The following RALGPS2 variants were observed in gnomAD, a reference collection of about 807,000 sequenced individuals.
RALGPS2 encodes Ral GEF with PH domain and SH3 binding motif 2.
Under a neutral mutation model 86.8 loss-of-function variants are expected in RALGPS2, and 43 were observed. The observed-to-expected ratio is 0.50, with a 90% CI of 0.39 to 0.64. RALGPS2 has a LOEUF of 0.64. RALGPS2 is among the 30% of genes least tolerant of loss of function. The pLI is 0.00. For missense variants in RALGPS2, 536 were observed against 694.6 expected (o/e 0.77, Z 2.57); for synonymous variants, 243 against 231.3 (o/e 1.05, Z -0.46).
intron 14 of RALGPS2, 87 bp downstream of exon 14, chr1:178,889,783 C>A: frequency 1.1e-6 from 1 of 905,124 alleles, no homozygotes. Context: ...ATAATATTTA[C>A]TACATATCCC....
At chr1:178,815,444 C>T (rs892455042) in intron 6 of RALGPS2, among the ~76,000 whole-genome samples, 1 of 152,098 alleles carries the variant, frequency 6.6e-6, no homozygotes, top group African/African-American at 2.4e-5. Context: ...TTCTCATAAG[C>T]TTTGCATGTA....
intron 8 of RALGPS2, chr1:178,865,400 A>G (rs371498898): frequency 1.9e-6 from 3 of 1,613,916 alleles, no homozygotes; most frequent in Non-Finnish European, 2.5e-6. Flanking sequence ...ACGAGAGTTC[A>G]TGTTACGGCT....
intron 8 of RALGPS2, among the ~76,000 whole-genome samples, chr1:178,836,881 C>T (rs915433443): frequency 6.6e-5 from 10 of 152,208 alleles, no homozygotes; most frequent in Non-Finnish European, 1.2e-4. Context: ...TGGACTCAAG[C>T]GATCCTCCCA....
intron 1 of RALGPS2, among the ~76,000 whole-genome samples, chr1:178,731,271 G>GTTTTTTTT (rs1491268143): frequency 5.8e-5 from 4 of 69,380 alleles, no homozygotes; most frequent in African/African-American, 1.6e-4. Context: ...TAGTTGTTTT[G>GTTTTTTTT]GTTTTTTTTT....
chr1:178,872,917 A>G (rs1658831878), intron 8 of RALGPS2, among the ~76,000 whole-genome samples: 1 of 152,214 alleles, frequency 6.6e-6, no homozygotes, highest in Non-Finnish European at 1.5e-5. Context: ...AGCTAAAGCT[A>G]TGGAACTAAG....
At chr1:178,725,482 G>GC (rs1277071083) in intron 1 of RALGPS2, 63 bp downstream of exon 1, 1 of 142,000 alleles carries the variant, frequency 7.0e-6, no homozygotes, top group Non-Finnish European at 1.5e-5. Flanking sequence ...GGTACGCGGC[G>GC]CCCCCCGGGC....
chr1:178,883,394 A>G lies in RALGPS2; in HGVS notation c.837-72A>G, dbSNP rs1320525886. 4 of 1,226,086 alleles carry G rather than the reference A, an allele frequency of 3.3e-6. 1 individual carries two copies. Among genetic ancestry groups the G allele is most frequent in the South Asian group, 2.5e-5 (2 of 79,246 alleles). 76.0% of individuals were successfully genotyped at this position (1,226,086 alleles called of 1,614,324 possible). On this transcript the variant is annotated intron_variant, in intron 10 of 19. Transcript: ENST00000367635. ...ATGTTTTTAGTTTTTTTGTGAGAAA[A>G]TACACAACTTTAATCTTATTTTGTC...
intron 8 of RALGPS2, chr1:178,851,089 TA>T: frequency 1.3e-6 from 2 of 1,555,132 alleles, no homozygotes; most frequent in Non-Finnish European, 1.7e-6. Context: ...AGCTGAAAAG[TA>T]CAAAGTTCTG....
intron 8 of RALGPS2, among the ~76,000 whole-genome samples, chr1:178,875,696 C>T (rs939437038): frequency 3.3e-5 from 5 of 151,470 alleles, no homozygotes; most frequent in Admixed American, 2.0e-4. Flanking sequence ...GGCAGTGAGC[C>T]GAGATCGCAC....
In RALGPS2 at chr1:178,906,721, A is replaced by G. The variant is rs1289946966; in HGVS notation, c.1631-55A>G. On this transcript the variant is annotated intron_variant, in intron 18 of 19. Coordinates refer to ENST00000367635, the MANE Select transcript of RALGPS2 (RefSeq NM_152663.5). ...TTGCTCATTATTATCTGGCAGAATT[A>G]TTATGTGTCGTCCTTACATTTTTAA... 6.4e-6 allele frequency: 9 copies of G among 1,413,196 alleles called. No homozygotes were observed. In the Admixed American group the frequency reaches 1.7e-4, roughly 27 times the overall value. The allele number at this position is 1,413,196 out of a possible 1,614,324, so 87.5% of individuals were successfully genotyped here.
intron 10 of RALGPS2, chr1:178,879,922 T>C (rs1659167806): frequency 6.6e-6 from 1 of 152,142 alleles, no homozygotes; most frequent in Non-Finnish European, 1.5e-5. Context: ...CTTTCATCTT[T>C]CGTTGATACA....
At chr1:178,769,056 A>G (rs924895543) in intron 1 of RALGPS2, among the ~76,000 whole-genome samples, 1 of 147,868 alleles carries the variant, frequency 6.8e-6, no homozygotes, top group Admixed American at 6.7e-5. Context: ...AGAGATGGGG[A>G]CCCCTGCACC....
At chr1:178,770,455 C>T (rs1287971590) in intron 1 of RALGPS2, among the ~76,000 whole-genome samples, 4 of 151,510 alleles carry the variant, frequency 2.6e-5, no homozygotes, top group South Asian at 2.1e-4. Flanking sequence ...CTCTGTCACA[C>T]GTATACATAC....
chr1:178,861,275 G>A (rs1046469439), intron 8 of RALGPS2, among the ~76,000 whole-genome samples: 4 of 152,096 alleles, frequency 2.6e-5, no homozygotes, highest in Non-Finnish European at 5.9e-5. Flanking sequence ...AAAAGTTAAT[G>A]TTTACATAAA....
At position 178,726,756 on chromosome 1, in the gene RALGPS2, G is replaced by A. The variant is rs181693359; in HGVS notation, c.-84+1337G>A. ...TGTGTCCACCATTAGATCGATTCCT[G>A]TTCAAGTTTCTTTGAAGATGACCAT... On this transcript the variant is annotated intron_variant, in intron 1 of 19. Transcript: ENST00000367635. Among the ~76,000 whole-genome samples, 3 of 152,200 alleles carry A rather than the reference G, an allele frequency of 2.0e-5. No homozygotes were observed. The East Asian group carries it at 5.8e-4, about 29-fold the overall frequency.
chr1:178,747,201 G>A (rs940488900), intron 1 of RALGPS2: 30 of 1,246,232 alleles, frequency 2.4e-5, no homozygotes, highest in South Asian at 1.1e-4. Flanking sequence ...CCTGCACTAC[G>A]GTGGATCACC....
chr1:178,886,121 G>A lies in RALGPS2; in HGVS notation c.1192+1G>A. On this transcript the variant is annotated splice_donor_variant, in intron 13 of 19. Transcript: ENST00000367635. LOFTEE classifies it high-confidence loss of function. ...ACTCTTTCTAGTGGAATATCAATAGGTGAGAAATACTTCTCTGAGAGGGTT... is the reference window on the plus strand; with the variant it reads ...ACTCTTTCTAGTGGAATATCAATAGATGAGAAATACTTCTCTGAGAGGGTT... 6.2e-7 allele frequency: 1 copy of A among 1,607,586 alleles called. No individual in the cohort carries two copies. The highest frequency in any genetic ancestry group is 8.5e-7 in the Non-Finnish European group (1 of 1,178,226).
rs57628726 is a variant in RALGPS2 at position 178,731,272 on chromosome 1, G to GTTTTTTTTTTTTTTTTTTTTT, written c.-84+5862_-84+5882dup. 3.5e-5 allele frequency among the ~76,000 whole-genome samples: 2 copies of GTTTTTTTTTTTTTTTTTTTTT among 57,946 alleles called. 1 individual carries two copies. Among genetic ancestry groups the GTTTTTTTTTTTTTTTTTTTTT allele is most frequent in the African/African-American group, 1.3e-4 (2 of 15,016 alleles). 38.0% of individuals were successfully genotyped at this position (57,946 alleles called of 152,430 possible). A position where few individuals can be genotyped will look rare whatever the true frequency, so the allele number is the denominator to read the frequency against. On this transcript the variant is annotated intron_variant, in intron 1 of 19. Transcript: ENST00000367635. ...TGATTATACTTTTCTAGTTGTTTTG[G>GTTTTTTTTTTTTTTTTTTTTT]TTTTTTTTTTTTTTTTTTTTTTTTT...
chr1:178,751,918 C>T (rs939491617), intron 1 of RALGPS2, among the ~76,000 whole-genome samples: 1 of 152,116 alleles, frequency 6.6e-6, no homozygotes, highest in Non-Finnish European at 1.5e-5. Context: ...GAGCAAAAAA[C>T]GTTTTTTTTC....
Sources: gnomAD v4.1 joint callset for allele counts (sites outside exome capture counted in the v4.1 genomes callset) on GRCh38, gnomAD v4.1.1 for gene constraint, MANE v1.5 for transcripts, NCBI Gene and HGNC (gene_info 2026-07-23, HGNC 2026-07-21) for gene names.